The following MACROD2 variants were observed in gnomAD, a reference collection of about 807,000 sequenced individuals.
The protein encoded by MACROD2 is mono-ADP ribosylhydrolase 2, also known as ADP-ribose glycohydrolase MACROD2.
Under a neutral mutation model 70.4 loss-of-function variants are expected in MACROD2, and 36 were observed. The observed-to-expected ratio is 0.51, with a 90% CI of 0.39 to 0.68. The LOEUF (loss-of-function observed/expected upper bound fraction) is 0.68, where lower values mean the gene tolerates loss of function less well. Among genes scored for constraint, MACROD2 ranks in the 30% least tolerant of loss-of-function variants. The pLI is 0.00. For missense variants in MACROD2, 496 were observed against 538.4 expected, an observed-to-expected ratio of 0.92 and a Z score of 0.78; for synonymous variants, 172 against 178.8, an observed-to-expected ratio of 0.96 and a Z score of 0.30.
chr20:14,923,005 G>C (rs2074182074), intron 5 of MACROD2, among the ~76,000 whole-genome samples: 1 of 152,224 alleles, frequency 6.6e-6, no homozygotes. Flanking sequence ...TTGAGTCAGA[G>C]TTAGGAGCTG....
chr20:15,748,511 T>C (rs978727990), intron 8 of MACROD2, among the ~76,000 whole-genome samples: 38 of 152,106 alleles, frequency 2.5e-4, no homozygotes, highest in Non-Finnish European at 4.3e-4. Context: ...TTCAGCCTTC[T>C]TTCAAAATGT....
In MACROD2 at chr20:14,997,114, G is replaced by A. The variant is rs562852959; in HGVS notation, c.419-232826G>A. Among the ~76,000 whole-genome samples the A allele has an allele frequency of 1.7e-3, 259 of 152,238 alleles. 2 individuals carry two copies. In the Middle Eastern group the frequency reaches 0.02, roughly 12 times the overall value. ...TCATCCTCCAACCTCAGGCAGTGCA[G>A]CTCACAGCACTGGGAAAGACTCCTT... On this transcript the variant is annotated intron_variant, in intron 5 of 17. Coordinates refer to ENST00000684519, the MANE Select transcript of MACROD2 (RefSeq NM_001351661.2).
At chr20:15,696,303 T>G (rs571849670) in intron 8 of MACROD2, among the ~76,000 whole-genome samples, 31 of 152,346 alleles carry the variant, frequency 2.0e-4, no homozygotes, top group Admixed American at 1.1e-3. Context: ...GAGATGATCA[T>G]GTGATTTTTT....
intron 3 of MACROD2, among the ~76,000 whole-genome samples, chr20:14,447,541 A>C (rs2084196842): frequency 6.6e-6 from 1 of 151,490 alleles, no homozygotes; most frequent in South Asian, 2.1e-4. Flanking sequence ...CACTGCCTAT[A>C]GGAAGAGGCC....
chr20:15,397,160 C>A (rs2045870320), intron 6 of MACROD2, among the ~76,000 whole-genome samples: 1 of 152,210 alleles, frequency 6.6e-6, no homozygotes, highest in African/African-American at 2.4e-5. Context: ...AGAGCAAACA[C>A]TGTGACAATA....
chr20:14,620,657 G>A (rs1277363453), intron 4 of MACROD2, among the ~76,000 whole-genome samples: 1 of 151,948 alleles, frequency 6.6e-6, no homozygotes, highest in Non-Finnish European at 1.5e-5. Flanking sequence ...TGGGAACAAG[G>A]AGCTGTCTAT....
intron 3 of MACROD2, among the ~76,000 whole-genome samples, chr20:14,291,817 A>G (rs1204789992): frequency 6.6e-6 from 1 of 151,922 alleles, no homozygotes; most frequent in Non-Finnish European, 1.5e-5. Flanking sequence ...TTTAATGCTT[A>G]AGAATTACTT....
intron 6 of MACROD2, among the ~76,000 whole-genome samples, chr20:15,314,661 T>C (rs1210587004): frequency 1.3e-5 from 2 of 152,184 alleles, no homozygotes; most frequent in African/African-American, 4.8e-5. Context: ...AAACTTGAAC[T>C]CATTCAGGGT....
chr20:14,518,770 G>T (rs1042266257), intron 4 of MACROD2, among the ~76,000 whole-genome samples: 1 of 152,114 alleles, frequency 6.6e-6, no homozygotes, highest in Non-Finnish European at 1.5e-5. Context: ...AGGGAGATAA[G>T]ACTAAAGTGT....
intron 8 of MACROD2, among the ~76,000 whole-genome samples, chr20:15,666,726 G>T (rs1980776931): frequency 6.6e-6 from 1 of 152,098 alleles, no homozygotes; most frequent in Non-Finnish European, 1.5e-5. Context: ...ATTAGATTTA[G>T]TGCTTGCCCT....
intron 5 of MACROD2, among the ~76,000 whole-genome samples, chr20:15,032,599 C>G (rs116581313): frequency 6.6e-6 from 1 of 152,154 alleles, no homozygotes; most frequent in Non-Finnish European, 1.5e-5. Context: ...AATTTTTGAC[C>G]GTCACTCTAA....
At chr20:14,859,585 A>G (rs558329412) in intron 5 of MACROD2, among the ~76,000 whole-genome samples, 1 of 152,310 alleles carries the variant, frequency 6.6e-6, no homozygotes, top group South Asian at 2.1e-4. Context: ...TAAGGCAACT[A>G]TTAAACCATT....
intron 8 of MACROD2, among the ~76,000 whole-genome samples, chr20:15,733,387 G>T (rs557229864): frequency 4.6e-5 from 7 of 151,642 alleles, no homozygotes; most frequent in Non-Finnish European, 8.8e-5. Context: ...TTTTTTCCAG[G>T]TTATTTCAGA....
chr20:15,001,095 ATGG>A (rs1220622559), intron 5 of MACROD2, among the ~76,000 whole-genome samples: 1 of 152,190 alleles, frequency 6.6e-6, no homozygotes, highest in Non-Finnish European at 1.5e-5. Context: ...CTCAAGAATA[ATGG>A]TGGGGTTCTG....
chr20:14,948,515 G>A (rs1311306640), intron 5 of MACROD2, among the ~76,000 whole-genome samples: 1 of 152,132 alleles, frequency 6.6e-6, no homozygotes, highest in Non-Finnish European at 1.5e-5. Context: ...GGCCTGAGAA[G>A]TGAGGTGGCA....
chr20:15,431,575 T>A, intron 7 of MACROD2, 140 bp downstream of exon 7: 1 of 738,262 alleles, frequency 1.4e-6, no homozygotes, highest in Non-Finnish European at 2.3e-6. Flanking sequence ...CAAATCCCAT[T>A]AAAGAATGTC....
intron 7 of MACROD2, among the ~76,000 whole-genome samples, chr20:15,461,831 C>A (rs1174940185): frequency 6.6e-6 from 1 of 152,114 alleles, no homozygotes; most frequent in Non-Finnish European, 1.5e-5. Flanking sequence ...GAGGATTCTT[C>A]CCGAATTGCT....
intron 8 of MACROD2, among the ~76,000 whole-genome samples, chr20:15,742,075 T>C (rs1195538151): frequency 6.6e-6 from 1 of 152,188 alleles, no homozygotes; most frequent in Non-Finnish European, 1.5e-5. Context: ...TTTGACACTT[T>C]GGTAAGGAAT....
intron 5 of MACROD2, among the ~76,000 whole-genome samples, chr20:15,122,923 A>G (rs2076041072): frequency 6.6e-6 from 1 of 152,012 alleles, no homozygotes; most frequent in Admixed American, 6.6e-5. Flanking sequence ...ATTATGACCC[A>G]CCTGTTGATA....
Sources: gnomAD v4.1 joint callset for allele counts (sites outside exome capture counted in the v4.1 genomes callset) on GRCh38, gnomAD v4.1.1 for gene constraint, MANE v1.5 for transcripts, NCBI Gene and HGNC (gene_info 2026-07-23, HGNC 2026-07-21) for gene names.